Variants in FAT1 observed in about 807,000 individuals in gnomAD.
The protein encoded by FAT1 is FAT atypical cadherin 1, also known as protocadherin Fat 1.
FAT1 carries 171 observed loss-of-function variants against 329.8 expected under a neutral mutation model. That is an observed-to-expected ratio of 0.52 (90% CI 0.46 to 0.59). The LOEUF is 0.59. FAT1 is among the 20% of genes least tolerant of loss of function. The pLI is 0.00. For synonymous variants in FAT1, 2,233 were observed against 2,228.6 expected (o/e 1.00, Z -0.06); for missense variants, 5,672 against 5,774.4 (o/e 0.98, Z 0.57).
rs377496399 is a variant in FAT1, at chr4:186,709,599, C to T, written c.229G>A (p.Gly77Arg). The change falls in exon 2 of 27, where the codon GGA becomes AGA. Residue 77 changes from glycine (G) to arginine (R), a missense_variant. By Grantham distance (125) the Gly-to-Arg change is moderately radical (BLOSUM62 -2). Coordinates refer to ENST00000441802, the MANE Select transcript of FAT1 (RefSeq NM_005245.4). The part of the protein sequence containing the change: ...AWEVRYKIVS[G>R]DSENLFKAEE... ...GCTTTGAACAGGTTTTCACTGTCTC[C>T]GGAAACAATTTTGTACCTTACTTCC... 6.4e-5 allele frequency: 103 copies of T among 1,613,930 alleles called. No homozygotes were observed. The highest frequency in any genetic ancestry group is 1.8e-4 in the Admixed American group (11 of 60,010).
rs1365730008 is a variant in FAT1 at position 186,619,545 on chromosome 4, G to T, written c.7041C>A (p.Thr2347=). Residue 2347 remains threonine (T), a synonymous_variant, in exon 10 of 27, where the codon ACC becomes ACA. Coordinates refer to ENST00000441802, the MANE Select transcript of FAT1 (RefSeq NM_005245.4). ...GCTGCCGGGACTGCTCGTAATCCAG[G>T]GTTCTGAGTAGTGAGATGAGGCCAG... ...SSTGLISLLR[T]LDYEQSRQHT... is the part of the protein sequence containing the mutation. The T allele has an allele frequency of 6.2e-7, 1 of 1,613,882 alleles. No individual in the cohort carries two copies. Among genetic ancestry groups the T allele is most frequent in the South Asian group, 1.1e-5 (1 of 91,074 alleles).
At chr4:186,621,895 A>C (rs1740068396) in intron 9 of FAT1, 120 bp from the exon 10 acceptor site, 1 of 633,392 alleles carries the variant, frequency 1.6e-6, no homozygotes, top group East Asian at 2.9e-5. Flanking sequence ...GCAGAAACTC[A>C]GGGGATGTCA....
intron 2 of FAT1, among the ~76,000 whole-genome samples, chr4:186,682,750 C>A (rs1743288784): frequency 6.6e-6 from 1 of 152,186 alleles, no homozygotes; most frequent in Non-Finnish European, 1.5e-5. Flanking sequence ...CTTAAAGAGG[C>A]AGCCCGGCAG....
chr4:186,595,757 C>G lies in FAT1; in HGVS notation c.13070G>C (p.Ser4357Thr). The G allele has an allele frequency of 6.2e-7, 1 of 1,613,906 alleles. No individual in the cohort carries two copies. The highest frequency in any genetic ancestry group is 8.5e-7 in the Non-Finnish European group (1 of 1,179,826). ...PLEEKPSQPYSARESLSEVQS... is the reference protein window; with the variant it reads ...PLEEKPSQPYTARESLSEVQS... The stretch of plus-strand genomic sequence containing the variant: ...CACTTCAGACAGGCTTTCCCGGGCA[C>G]TGTATGGCTGGGAAGGCTTTTCCTC... The change falls in exon 26 of 27, where the codon AGT (serine) becomes ACT (threonine). Residue 4357 changes from serine (S) to threonine (T), a missense_variant. By Grantham distance (58) the Ser-to-Thr change is moderately conservative (BLOSUM62 1). Coordinates refer to ENST00000441802, the MANE Select transcript of FAT1 (RefSeq NM_005245.4).
At chr4:186,699,535 T>C (rs999725726) in intron 2 of FAT1, among the ~76,000 whole-genome samples, 1 of 152,162 alleles carries the variant, frequency 6.6e-6, no homozygotes, top group African/African-American at 2.4e-5. Context: ...GCTGTGAAAC[T>C]GGAGAACTGC....
At chr4:186,718,493 C>A (rs1337324533) in intron 1 of FAT1, among the ~76,000 whole-genome samples, 2 of 151,984 alleles carry the variant, frequency 1.3e-5, no homozygotes, top group South Asian at 4.2e-4. Context: ...ATGGTGAAAC[C>A]CCGTCTCTAC....
chr4:186,591,373 G>C (rs1422658870), intron 26 of FAT1, among the ~76,000 whole-genome samples: 1 of 152,192 alleles, frequency 6.6e-6, no homozygotes, highest in Non-Finnish European at 1.5e-5. Context: ...TTAAAAGACT[G>C]TGGTGTCTCT....
chr4:186,712,798 C>T (rs932350875), intron 1 of FAT1, among the ~76,000 whole-genome samples: 9 of 103,012 alleles, frequency 8.7e-5, no homozygotes, highest in African/African-American at 4.2e-4. Context: ...CATCACCCAG[C>T]TGTGATGACT....
At chr4:186,597,294 T>C (rs1738579444) in intron 24 of FAT1, 123 bp from the exon 25 acceptor site, 6 of 1,116,528 alleles carry the variant, frequency 5.4e-6, no homozygotes, top group Non-Finnish European at 7.4e-6. Flanking sequence ...CAAACCCAGA[T>C]AAAAGACAAC....
intron 2 of FAT1, among the ~76,000 whole-genome samples, chr4:186,699,807 G>C (rs1744214579): frequency 6.6e-6 from 1 of 151,408 alleles, no homozygotes; most frequent in Non-Finnish European, 1.5e-5. Flanking sequence ...AATCCAAAAA[G>C]TAAAAACAAT....
At chr4:186,604,314 A>G (rs2126437421) in intron 18 of FAT1, 63 bp downstream of exon 18, 2 of 1,360,474 alleles carry the variant, frequency 1.5e-6, no homozygotes, top group Non-Finnish European at 2.0e-6. Context: ...AGAAGAGGGG[A>G]ACCACGCCAA....
chr4:186,616,203 T>C (rs1739702507), intron 11 of FAT1, among the ~76,000 whole-genome samples: 1 of 152,150 alleles, frequency 6.6e-6, no homozygotes, highest in Non-Finnish European at 1.5e-5. Flanking sequence ...TCGTCTCATG[T>C]CATCTCTACC....
At chr4:186,607,361 G>A (rs1739194602) in intron 16 of FAT1, among the ~76,000 whole-genome samples, 1 of 151,646 alleles carries the variant, frequency 6.6e-6, no homozygotes, top group Non-Finnish European at 1.5e-5. Context: ...ATGGATGGAT[G>A]CATAGATGGG....
At chr4:186,662,006 TC>T (rs67163880) in intron 3 of FAT1, among the ~76,000 whole-genome samples, 48,981 of 144,608 alleles carry the variant, frequency 0.34, 9,387 homozygotes, top group South Asian at 0.48. Context: ...TAGGAAATCC[TC>T]CCCCCCGCCC....
intron 2 of FAT1, among the ~76,000 whole-genome samples, chr4:186,698,022 T>G (rs930896511): frequency 1.3e-5 from 2 of 152,240 alleles, no homozygotes; most frequent in Admixed American, 6.5e-5. Context: ...ACCACAGTTT[T>G]GGAGCCTACA....
At chr4:186,649,123 GA>G (rs1741511615) in intron 3 of FAT1, among the ~76,000 whole-genome samples, 1 of 66,812 alleles carries the variant, frequency 1.5e-5, no homozygotes, top group Non-Finnish European at 4.1e-5. Context: ...ATGCAACAAA[GA>G]AGTGGCCGGG....
intron 3 of FAT1, among the ~76,000 whole-genome samples, chr4:186,648,832 T>C (rs1421384426): frequency 6.6e-6 from 1 of 152,078 alleles, no homozygotes; most frequent in Non-Finnish European, 1.5e-5. Context: ...GCCTGTACCA[T>C]CTCATGAAGG....
intron 2 of FAT1, among the ~76,000 whole-genome samples, chr4:186,703,095 T>C (rs920784931): frequency 8.5e-5 from 13 of 152,132 alleles, no homozygotes; most frequent in Admixed American, 6.5e-4. Context: ...TCACGTGGCA[T>C]GGATCTGTCA....
At chr4:186,651,042 A>ACTATTATTAATTTAT (rs1553993897) in intron 3 of FAT1, among the ~76,000 whole-genome samples, 17 of 147,326 alleles carry the variant, frequency 1.2e-4, no homozygotes, top group Admixed American at 8.8e-4. Flanking sequence ...TAATTTATTT[A>ACTATTATTAATTTAT]CTATTATTAA....
Sources: allele counts gnomAD v4.1 joint callset (sites outside exome capture counted in the v4.1 genomes callset), GRCh38; gene constraint gnomAD v4.1.1; transcripts MANE v1.5; gene names NCBI Gene and HGNC (gene_info 2026-07-23, HGNC 2026-07-21).